ADGRB3: variants seen among roughly 807,000 people sequenced by gnomAD.
ADGRB3 encodes the protein adhesion G protein-coupled receptor B3.
In ADGRB3, 37 loss-of-function variants were observed where a neutral mutation model predicts 193.4. The observed-to-expected ratio is 0.19, with a 90% CI of 0.15 to 0.25. The LOEUF is 0.25. Ranked by LOEUF, ADGRB3 falls within the 10% of genes least tolerant of loss-of-function variation. The probability of loss-of-function intolerance (pLI) is 1.00; values close to 1 mark genes in which losing one functional copy is unlikely to be tolerated. For synonymous variants in ADGRB3, 690 were observed against 644.2 expected, an observed-to-expected ratio of 1.07 and a Z score of -1.08; for missense variants, 1,637 against 1,852.9, an observed-to-expected ratio of 0.88 and a Z score of 2.14.
chr6:69,206,033 T>C (rs1270966909), intron 17 of ADGRB3, among the ~76,000 whole-genome samples: 4 of 120,350 alleles, frequency 3.3e-5, no homozygotes, highest in East Asian at 4.7e-4. Flanking sequence ...GAGAATAATA[T>C]ATATAATAAT....
At chr6:69,043,312 G>GAAAGAAAGAAAGAAAGAAAGAAAA (rs1771136038) in intron 13 of ADGRB3, among the ~76,000 whole-genome samples, 2 of 150,468 alleles carry the variant, frequency 1.3e-5, no homozygotes, top group Admixed American at 1.3e-4. Flanking sequence ...AAGAAAGAAA[G>GAAAGAAAGAAAGAAAGAAAGAAAA]AAAGAAAGAA....
At chr6:69,006,833 G>A (rs902136339) in intron 11 of ADGRB3, among the ~76,000 whole-genome samples, 5 of 151,612 alleles carry the variant, frequency 3.3e-5, no homozygotes, top group Admixed American at 2.0e-4. Context: ...TTCTTACTTC[G>A]TCATCTTTTT....
At chr6:68,907,788 C>A (rs955380514) in intron 3 of ADGRB3, among the ~76,000 whole-genome samples, 1 of 151,658 alleles carries the variant, frequency 6.6e-6, no homozygotes, top group African/African-American at 2.4e-5. Context: ...TATTTTTAAC[C>A]ATGTTTGCCA....
intron 26 of ADGRB3, among the ~76,000 whole-genome samples, chr6:69,340,804 C>T (rs1184085121): frequency 6.6e-6 from 1 of 152,010 alleles, no homozygotes; most frequent in Non-Finnish European, 1.5e-5. Context: ...GTGTTGTTAC[C>T]CTCCCTGTGT....
At chr6:69,036,797 G>A (rs373283868) in intron 13 of ADGRB3, among the ~76,000 whole-genome samples, 147 of 152,274 alleles carry the variant, frequency 9.7e-4, no homozygotes, top group Admixed American at 3.1e-3. Flanking sequence ...TAATGTGACC[G>A]CAGAGACGTA....
At chr6:68,666,700 A>G (rs566050461) in intron 3 of ADGRB3, among the ~76,000 whole-genome samples, 1 of 152,012 alleles carries the variant, frequency 6.6e-6, no homozygotes, top group African/African-American at 2.4e-5. Flanking sequence ...TTTGTCATTA[A>G]CTATTTTTAT....
chr6:69,082,535 G>C (rs1455001976), intron 17 of ADGRB3, among the ~76,000 whole-genome samples: 1 of 151,628 alleles, frequency 6.6e-6, no homozygotes, highest in Non-Finnish European at 1.5e-5. Context: ...TCTCTCTTCA[G>C]TTTTGTCTAA....
chr6:68,933,901 A>G (rs948514546), intron 4 of ADGRB3, among the ~76,000 whole-genome samples: 1 of 152,154 alleles, frequency 6.6e-6, no homozygotes, highest in Non-Finnish European at 1.5e-5. Context: ...ATGCTAGACT[A>G]AAGAGCTTTT....
intron 17 of ADGRB3, among the ~76,000 whole-genome samples, chr6:69,177,322 G>T (rs1043163163): frequency 1.3e-5 from 2 of 151,364 alleles, no homozygotes; most frequent in Non-Finnish European, 3.0e-5. Context: ...ATTTTGGTAT[G>T]TTGTGTCTGT....
chr6:69,359,531 G>A (rs928222855), intron 28 of ADGRB3, among the ~76,000 whole-genome samples: 1 of 151,672 alleles, frequency 6.6e-6, no homozygotes, highest in East Asian at 1.9e-4. Context: ...TATCTTTCAA[G>A]ATAACAGATA....
chr6:69,076,253 C>T (rs1169640846), intron 17 of ADGRB3, among the ~76,000 whole-genome samples: 1 of 152,006 alleles, frequency 6.6e-6, no homozygotes, highest in African/African-American at 2.4e-5. Flanking sequence ...ATTGCATTAC[C>T]TACTGTGTAA....
intron 17 of ADGRB3, among the ~76,000 whole-genome samples, chr6:69,153,543 G>A (rs1319637069): frequency 6.6e-6 from 1 of 152,050 alleles, no homozygotes; most frequent in African/African-American, 2.4e-5. Flanking sequence ...TTTTCAACAA[G>A]GTATGACAGC....
intron 20 of ADGRB3, among the ~76,000 whole-genome samples, chr6:69,252,323 G>GT (rs1217419795): frequency 6.6e-6 from 1 of 151,954 alleles, no homozygotes; most frequent in African/African-American, 2.4e-5. Flanking sequence ...CATATGAATT[G>GT]TTTTTAGTTT....
intron 17 of ADGRB3, among the ~76,000 whole-genome samples, chr6:69,217,927 T>C (rs1355644104): frequency 6.6e-6 from 1 of 152,032 alleles, no homozygotes; most frequent in African/African-American, 2.4e-5. Context: ...TAAATGAGTA[T>C]GATACAGGTG....
intron 20 of ADGRB3, among the ~76,000 whole-genome samples, chr6:69,242,994 A>G (rs1159511643): frequency 2.0e-5 from 3 of 151,932 alleles, no homozygotes; most frequent in Non-Finnish European, 4.4e-5. Context: ...AATTTAGAGA[A>G]TAGTTTTTCT....
At chr6:69,240,020 T>C (rs1766351556) in intron 20 of ADGRB3, among the ~76,000 whole-genome samples, 2 of 152,050 alleles carry the variant, frequency 1.3e-5, no homozygotes, top group Non-Finnish European at 2.9e-5. Context: ...AATTTTCAAA[T>C]ACAAAAGCGA....
chr6:69,263,671 G>A (rs1766974937), intron 20 of ADGRB3, among the ~76,000 whole-genome samples: 1 of 151,978 alleles, frequency 6.6e-6, no homozygotes, highest in South Asian at 2.1e-4. Flanking sequence ...GTCAGTGTTT[G>A]CTTTTGGATT....
At chr6:69,220,052 T>C (rs183958504) in intron 17 of ADGRB3, among the ~76,000 whole-genome samples, 13 of 152,180 alleles carry the variant, frequency 8.5e-5, no homozygotes, top group Admixed American at 7.9e-4. Context: ...TGACAGTTTT[T>C]TTTTCTTCTT....
chr6:68,944,274 C>T (rs1195117394), intron 6 of ADGRB3, among the ~76,000 whole-genome samples: 1 of 151,998 alleles, frequency 6.6e-6, no homozygotes, highest in Admixed American at 6.6e-5. Context: ...CTTGCTTTTT[C>T]CTTCTGGGAA....
Sources: gnomAD v4.1 joint callset for allele counts (sites outside exome capture counted in the v4.1 genomes callset) on GRCh38, gnomAD v4.1.1 for gene constraint, MANE v1.5 for transcripts, NCBI Gene and HGNC (gene_info 2026-07-23, HGNC 2026-07-21) for gene names.